MAN2B2: variants seen among roughly 807,000 people sequenced by gnomAD.
MAN2B2 encodes the protein epididymis-specific alpha-mannosidase.
In MAN2B2, 106 loss-of-function variants were observed where a neutral mutation model predicts 117.1. The observed-to-expected ratio is 0.90, with a 90% CI of 0.77 to 1.06. The LOEUF is 1.06. Ranked by LOEUF, MAN2B2 falls within the 50% of genes least tolerant of loss-of-function variation. MAN2B2 has a pLI of 0.00. For synonymous variants in MAN2B2, 544 were observed against 595.1 expected (o/e 0.91, Z 1.25); for missense variants, 1,326 against 1,381.4 (o/e 0.96, Z 0.64).
At chr4:6,581,349 T>A (rs1200529739) in intron 3 of MAN2B2, among the ~76,000 whole-genome samples, 1 of 152,114 alleles carries the variant, frequency 6.6e-6, no homozygotes, top group East Asian at 1.9e-4. Context: ...ACAGCCCCAT[T>A]TGACAGATGA....
At chr4:6,614,001 C>G (rs1164904893) in intron 15 of MAN2B2, among the ~76,000 whole-genome samples, 1 of 152,146 alleles carries the variant, frequency 6.6e-6, no homozygotes, top group Non-Finnish European at 1.5e-5. Context: ...CAGGGTCCTC[C>G]CAGCTCTTAA....
intron 10 of MAN2B2, 145 bp downstream of exon 10, chr4:6,600,901 G>A (rs1302655039): frequency 1.0e-5 from 11 of 1,063,350 alleles, no homozygotes; most frequent in Non-Finnish European, 1.4e-5. Context: ...GAGAAGCAAA[G>A]TGGGGTTTTT....
At chr4:6,578,154 G>C (rs974423518) in intron 2 of MAN2B2, among the ~76,000 whole-genome samples, 3 of 152,108 alleles carry the variant, frequency 2.0e-5, no homozygotes, top group African/African-American at 7.2e-5. Context: ...AATAAAATAA[G>C]ATTTAAGAAA....
intron 7 of MAN2B2, among the ~76,000 whole-genome samples, 179 bp downstream of exon 7, chr4:6,594,911 G>A (rs367659392): frequency 2.6e-5 from 4 of 152,182 alleles, no homozygotes; most frequent in African/African-American, 4.8e-5. Context: ...CCACCTGGAC[G>A]TCCTGGCCAC....
chr4:6,575,886 T>A (rs1379868240), intron 1 of MAN2B2, among the ~76,000 whole-genome samples: 1 of 152,190 alleles, frequency 6.6e-6, no homozygotes, highest in East Asian at 1.9e-4. Context: ...GCATGCCCAC[T>A]ACAGCCAGTT....
Position 6,594,642 on chromosome 4 carries a change from G to A in MAN2B2, c.967G>A (p.Ala323Thr), listed in dbSNP as rs202078896. 1 of 1,613,476 alleles carries A rather than the reference G, an allele frequency of 6.2e-7. No homozygotes were observed. Among genetic ancestry groups the A allele is most frequent in the East Asian group, 2.2e-5 (1 of 44,896 alleles). The change falls in exon 7 of 19, where the codon GCC (alanine) becomes ACC (threonine). Residue 323 changes from alanine to threonine, a missense_variant. Coordinates refer to ENST00000285599, the MANE Select transcript of MAN2B2 (RefSeq NM_015274.3). Reference sequence around the variant, plus strand: ...CGAGCTCGGTGTCTCGGTGCAGTATGCCACGCTGGGCGACTACTTCCGTGC... The same window carrying A: ...CGAGCTCGGTGTCTCGGTGCAGTATACCACGCTGGGCGACTACTTCCGTGC... ...AAELGVSVQYATLGDYFRALH... is the reference protein window; with the variant it reads ...AAELGVSVQYTTLGDYFRALH...
intron 9 of MAN2B2, among the ~76,000 whole-genome samples, chr4:6,599,662 CAAAAA>C (rs34126657): frequency 1.1e-5 from 1 of 93,396 alleles, no homozygotes; most frequent in Non-Finnish European, 2.1e-5. Context: ...GACTCCGTCT[CAAAAA>C]AAAAAAAAAA....
intron 5 of MAN2B2, among the ~76,000 whole-genome samples, chr4:6,591,437 G>A (rs757360200): frequency 8.5e-5 from 13 of 152,240 alleles, no homozygotes; most frequent in South Asian, 4.1e-4. Context: ...GACTGAACAC[G>A]CAGGGGCAGC....
At chr4:6,596,988 C>T (rs1433251703) in intron 7 of MAN2B2, 125 bp from the exon 8 acceptor site, 1 of 928,206 alleles carries the variant, frequency 1.1e-6, no homozygotes, top group Admixed American at 2.4e-5. Flanking sequence ...GCCCGGCCTG[C>T]CTCCTTGGGT....
intron 10 of MAN2B2, 135 bp from the exon 11 acceptor site, chr4:6,604,920 A>C (rs1560654942): frequency 9.2e-7 from 1 of 1,089,266 alleles, no homozygotes; most frequent in Non-Finnish European, 1.3e-6. Flanking sequence ...AGAAAGCCAG[A>C]ACTGGGGGCA....
chr4:6,582,432 A>G (rs1016577692), intron 3 of MAN2B2, among the ~76,000 whole-genome samples: 16 of 152,130 alleles, frequency 1.1e-4, no homozygotes, highest in African/African-American at 3.9e-4. Flanking sequence ...TCTACCTCGC[A>G]GGTTCAAGCA....
At chr4:6,578,342 C>T (rs1355585272) in intron 2 of MAN2B2, 51 bp from the exon 3 acceptor site, 1 of 1,395,202 alleles carries the variant, frequency 7.2e-7, no homozygotes, top group Non-Finnish European at 1.0e-6. Flanking sequence ...CAGACCCAGC[C>T]ATGCTCAGGA....
intron 10 of MAN2B2, 91 bp from the exon 11 acceptor site, chr4:6,604,964 A>G (rs1329229286): frequency 1.5e-5 from 21 of 1,436,858 alleles, no homozygotes; most frequent in Non-Finnish European, 2.0e-5. Flanking sequence ...GAGAGATGGA[A>G]AGACACTGCT....
chr4:6,614,709 A>G (rs891740345), intron 16 of MAN2B2, among the ~76,000 whole-genome samples: 1 of 152,160 alleles, frequency 6.6e-6, no homozygotes, highest in Non-Finnish European at 1.5e-5. Flanking sequence ...TGGAGCCCCC[A>G]AACACCCAAA....
At chr4:6,598,478 C>G in intron 9 of MAN2B2, 124 bp downstream of exon 9, 1 of 1,070,714 alleles carries the variant, frequency 9.3e-7, no homozygotes, top group Non-Finnish European at 1.3e-6. Context: ...TCGCCCTTCC[C>G]CATGGTGAGA....
intron 15 of MAN2B2, 57 bp downstream of exon 15, chr4:6,611,335 G>C (rs1370091090): frequency 6.6e-7 from 1 of 1,515,366 alleles, no homozygotes; most frequent in East Asian, 2.3e-5. Flanking sequence ...AGCCAGGCCA[G>C]GGCGGGCCTT....
intron 5 of MAN2B2, among the ~76,000 whole-genome samples, 200 bp from the exon 6 acceptor site, chr4:6,592,973 G>T (rs138851419): frequency 4.1e-4 from 63 of 152,316 alleles, no homozygotes; most frequent in African/African-American, 1.3e-3. Flanking sequence ...TGAGACCCGG[G>T]GTCTGATGGG....
intron 7 of MAN2B2, among the ~76,000 whole-genome samples, chr4:6,595,207 A>C (rs1397308990): frequency 6.6e-6 from 1 of 152,170 alleles, no homozygotes; most frequent in Non-Finnish European, 1.5e-5. Flanking sequence ...ACAGCCTGAG[A>C]GCTAAGAGGG....
At chr4:6,579,261 A>G (rs1726285760) in intron 3 of MAN2B2, among the ~76,000 whole-genome samples, 1 of 105,106 alleles carries the variant, frequency 9.5e-6, no homozygotes, top group African/African-American at 3.6e-5. Flanking sequence ...CACCATCACC[A>G]CCACCACCAT....
Sources: allele counts gnomAD v4.1 joint callset (sites outside exome capture counted in the v4.1 genomes callset), GRCh38; gene constraint gnomAD v4.1.1; transcripts MANE v1.5; gene names NCBI Gene and HGNC (gene_info 2026-07-23, HGNC 2026-07-21).